Variants in RMST observed in about 807,000 individuals in gnomAD.
RMST encodes rhabdomyosarcoma 2 associated transcript, also known as long intergenic non-protein coding RNA 54.
chr12:97,520,234 T>C (rs1880374442), intron 10 of RMST, among the ~76,000 whole-genome samples: 1 of 152,222 alleles, frequency 6.6e-6, no homozygotes, highest in African/African-American at 2.4e-5. Flanking sequence ...TAGGTTTGGC[T>C]GTGGAGGAGC....
At chr12:97,495,180 G>GC (rs1555230761) in intron 9 of RMST, among the ~76,000 whole-genome samples, 3 of 150,780 alleles carry the variant, frequency 2.0e-5, no homozygotes, top group Non-Finnish European at 1.5e-5. Flanking sequence ...TTCTTATGGG[G>GC]GGGGAGCCGC....
chr12:97,559,424 T>C (rs529384269), intron 11 of RMST, among the ~76,000 whole-genome samples: 2 of 152,324 alleles, frequency 1.3e-5, no homozygotes, highest in African/African-American at 4.8e-5. Flanking sequence ...AATCTCCACT[T>C]ACTGTCAGAG....
chr12:97,564,048 G>A (rs1007859208), intron 13 of RMST: 2 of 345,104 alleles, frequency 5.8e-6, no homozygotes, highest in African/African-American at 4.3e-5. Flanking sequence ...TTTGACAGCT[G>A]AGAAATCTAG....
At chr12:97,492,978 G>A (rs978520040) in intron 6 of RMST, 1 of 152,118 alleles carries the variant, frequency 6.6e-6, no homozygotes, top group African/African-American at 2.4e-5. Context: ...AGAAACCTAA[G>A]AAAGTTATGT....
chr12:97,536,187 A>G (rs1049969613), intron 11 of RMST, among the ~76,000 whole-genome samples: 3 of 151,498 alleles, frequency 2.0e-5, no homozygotes, highest in Non-Finnish European at 4.4e-5. Flanking sequence ...GAATTGCCCA[A>G]TTGTTTATGA....
At chr12:97,532,094 TTAACAGATTTC>T (rs1360889395) in intron 11 of RMST, among the ~76,000 whole-genome samples, 1 of 151,990 alleles carries the variant, frequency 6.6e-6, no homozygotes, top group African/African-American at 2.4e-5. Flanking sequence ...GAAATTTGAC[TTAACAGATTTC>T]TAGTCTTCAC....
rs1880584329 is a variant in RMST at position 97,522,212 on chromosome 12, G to T, written n.1341-8443G>T. On this transcript the variant is annotated intron_variant and non_coding_transcript_variant, in intron 10 of 13. Transcript: ENST00000640149. ...CAGGTAAGTGCATGTTACTATATGA[G>T]AATTCATTTAAAAGATGTTAAATTG... is the stretch of plus-strand genomic sequence containing the variant. Among the ~76,000 whole-genome samples, 3 of 152,142 alleles carry T rather than the reference G, an allele frequency of 2.0e-5. No individual in the cohort carries two copies. The East Asian group carries it at 5.8e-4, about 29-fold the overall frequency.
chr12:97,534,659 C>T (rs11109097), intron 11 of RMST, among the ~76,000 whole-genome samples: 79,810 of 151,470 alleles, frequency 0.53, 23,748 homozygotes, highest in Middle Eastern at 0.76. Flanking sequence ...CTTCAGTGTG[C>T]TTCGAAGACA....
chr12:97,510,167 A>G (rs11109077), intron 10 of RMST, among the ~76,000 whole-genome samples: 25,723 of 152,228 alleles, frequency 0.17, 4,095 homozygotes, highest in African/African-American at 0.41. Context: ...AAAGAAATAC[A>G]TTTAATTAAC....
chr12:97,506,238 T>G (rs1878648142), intron 10 of RMST, among the ~76,000 whole-genome samples: 2 of 152,174 alleles, frequency 1.3e-5, no homozygotes, highest in African/African-American at 4.8e-5. Flanking sequence ...AATTAAAACT[T>G]TATAGAACAG....
chr12:97,542,526 T>C (rs1190152630), intron 11 of RMST, among the ~76,000 whole-genome samples: 1 of 151,932 alleles, frequency 6.6e-6, no homozygotes, highest in Non-Finnish European at 1.5e-5. Flanking sequence ...CTTTGTTCAA[T>C]ATATGCAGCC....
chr12:97,464,633 G>A (rs1872958892), intron 4 of RMST, among the ~76,000 whole-genome samples: 1 of 152,300 alleles, frequency 6.6e-6, no homozygotes, highest in Admixed American at 6.5e-5. Context: ...TTTCACACCA[G>A]TGGAGATGAA....
At chr12:97,554,496 G>T (rs1883552113) in intron 11 of RMST, among the ~76,000 whole-genome samples, 1 of 151,852 alleles carries the variant, frequency 6.6e-6, no homozygotes, top group South Asian at 2.1e-4. Flanking sequence ...CTGGAGACTT[G>T]TATATCATCA....
intron 5 of RMST, among the ~76,000 whole-genome samples, chr12:97,486,368 C>T (rs1257846554): frequency 6.7e-6 from 1 of 149,090 alleles, no homozygotes; most frequent in African/African-American, 2.5e-5. Context: ...TGAACATGCT[C>T]CTATGAAAAG....
chr12:97,474,071 C>CGGTA (rs1179158257), intron 5 of RMST, among the ~76,000 whole-genome samples: 1 of 152,024 alleles, frequency 6.6e-6, no homozygotes. Flanking sequence ...TGACAGTGTA[C>CGGTA]GGTATTCTGT....
intron 10 of RMST, among the ~76,000 whole-genome samples, chr12:97,510,327 A>G (rs1243120256): frequency 6.6e-6 from 1 of 152,212 alleles, no homozygotes; most frequent in Non-Finnish European, 1.5e-5. Context: ...GGGCAGATTA[A>G]GCCCACAGAG....
chr12:97,506,450 A>G (rs1382257133), intron 10 of RMST, among the ~76,000 whole-genome samples: 1 of 152,180 alleles, frequency 6.6e-6, no homozygotes, highest in Non-Finnish European at 1.5e-5. Context: ...CTTATCTTCC[A>G]GGCACTGTGC....
At chr12:97,486,499 A>G (rs1202267885) in intron 5 of RMST, among the ~76,000 whole-genome samples, 2 of 152,246 alleles carry the variant, frequency 1.3e-5, no homozygotes, top group African/African-American at 2.4e-5. Context: ...AATTGGAAAC[A>G]TTAGAGCAGG....
intron 5 of RMST, among the ~76,000 whole-genome samples, chr12:97,488,541 G>T (rs528287993): frequency 2.0e-5 from 3 of 152,300 alleles, no homozygotes; most frequent in Non-Finnish European, 2.9e-5. Context: ...TGAGGCAAAA[G>T]TGTCTCTCTT....
Sources: allele counts gnomAD v4.1 joint callset (sites outside exome capture counted in the v4.1 genomes callset), GRCh38; gene constraint gnomAD v4.1.1; transcripts MANE v1.5; gene names NCBI Gene and HGNC (gene_info 2026-07-23, HGNC 2026-07-21).